CDK5RAP2: variants seen among roughly 807,000 people sequenced by gnomAD.
The protein encoded by CDK5RAP2 is CDK5 regulatory subunit-associated protein 2.
CDK5RAP2 carries 147 observed loss-of-function variants against 232.9 expected under a neutral mutation model. The ratio of observed to expected loss-of-function variants is 0.63; its 90% CI spans 0.55 to 0.72. The LOEUF (loss-of-function observed/expected upper bound fraction) is 0.72. CDK5RAP2 is among the 30% of genes least tolerant of loss of function. The probability of loss-of-function intolerance (pLI) is 0.00; values close to 1 mark genes in which losing one functional copy is unlikely to be tolerated. For missense variants in CDK5RAP2, 2,195 were observed against 2,231.5 expected, an observed-to-expected ratio of 0.98 and a Z score of 0.33; for synonymous variants, 833 against 833.7, an observed-to-expected ratio of 1.00 and a Z score of 0.01.
intron 18 of CDK5RAP2, among the ~76,000 whole-genome samples, chr9:120,462,440 TAA>T (rs772351673): frequency 1.5e-4 from 20 of 132,284 alleles, no homozygotes; most frequent in Non-Finnish European, 9.9e-5. Flanking sequence ...CTCATCAAAT[TAA>T]AAAAAAAAAA....
chr9:120,437,811 C>T (rs1292942878), intron 24 of CDK5RAP2, among the ~76,000 whole-genome samples: 1 of 152,186 alleles, frequency 6.6e-6, no homozygotes, highest in Admixed American at 6.5e-5. Flanking sequence ...AGTTTCCATA[C>T]ACTCTTCAAA....
At chr9:120,442,531 T>C (rs1181940323) in intron 23 of CDK5RAP2, among the ~76,000 whole-genome samples, 2 of 152,120 alleles carry the variant, frequency 1.3e-5, no homozygotes, top group Non-Finnish European at 2.9e-5. Context: ...GGAAGCACAT[T>C]CAGAAAAATG....
At position 120,525,078 on chromosome 9, in the gene CDK5RAP2, C is replaced by A; in HGVS notation, c.1000G>T (p.Val334Phe). 1.9e-6 allele frequency: 3 copies of A among 1,613,244 alleles called. No individual in the cohort carries two copies. Among genetic ancestry groups the A allele is most frequent in the Non-Finnish European group, 2.5e-6 (3 of 1,179,258 alleles). Residue 334 changes from valine to phenylalanine, a missense_variant and splice_region_variant, in exon 11 of 38, where the codon GTT (valine) becomes TTT (phenylalanine). Physicochemically the swap from Val to Phe is conservative, Grantham distance 50 (BLOSUM62 -1). Transcript: ENST00000349780. ...TMALKSKEKK[V>F]EELNSEIEKL... Reference sequence around the variant, plus strand: ...TCAATTTCAGAGTTAAGTTCTTCAACCTGGGGAAAAATAATGAATACCAGC... The same window carrying A: ...TCAATTTCAGAGTTAAGTTCTTCAAACTGGGGAAAAATAATGAATACCAGC...
chr9:120,464,166 G>C (rs1281903838), intron 18 of CDK5RAP2, among the ~76,000 whole-genome samples: 1 of 152,048 alleles, frequency 6.6e-6, no homozygotes, highest in Non-Finnish European at 1.5e-5. Flanking sequence ...GAAACCCCAC[G>C]CTGTTACTCT....
At chr9:120,497,421 T>TA (rs71385064) in intron 12 of CDK5RAP2, among the ~76,000 whole-genome samples, 425 of 23,188 alleles carry the variant, frequency 0.018, 6 homozygotes, top group East Asian at 0.063. Context: ...AAAATAAATT[T>TA]AAAAAAAAAA....
chr9:120,519,427 AAAAAAT>A (rs1453766668), intron 11 of CDK5RAP2, among the ~76,000 whole-genome samples: 2 of 152,202 alleles, frequency 1.3e-5, no homozygotes, highest in Non-Finnish European at 2.9e-5. Flanking sequence ...TTTGTCTTTA[AAAAAAT>A]AAAAATAAAA....
chr9:120,412,487 A>C (rs2033911310), intron 28 of CDK5RAP2, among the ~76,000 whole-genome samples: 1 of 152,220 alleles, frequency 6.6e-6, no homozygotes, highest in Non-Finnish European at 1.5e-5. Flanking sequence ...CACCAGGATG[A>C]AAAGAGGACA....
chr9:120,510,334 C>T (rs1326347728), intron 12 of CDK5RAP2, among the ~76,000 whole-genome samples: 2 of 152,212 alleles, frequency 1.3e-5, no homozygotes, highest in African/African-American at 4.8e-5. Context: ...GAAGCACACA[C>T]TTGTCAGGGT....
intron 3 of CDK5RAP2, among the ~76,000 whole-genome samples, 181 bp from the exon 4 acceptor site, chr9:120,551,083 G>A (rs2042025862): frequency 6.6e-6 from 1 of 152,156 alleles, no homozygotes; most frequent in Non-Finnish European, 1.5e-5. Context: ...GTTCCCACTA[G>A]CCAAAGTTAG....
chr9:120,472,653 T>C (rs2037780088), intron 15 of CDK5RAP2, among the ~76,000 whole-genome samples: 2 of 151,994 alleles, frequency 1.3e-5, no homozygotes, highest in Admixed American at 6.6e-5. Flanking sequence ...ATAGTATGAG[T>C]GGATTTTTAT....
At chr9:120,566,851 G>A (rs777904435) in intron 3 of CDK5RAP2, among the ~76,000 whole-genome samples, 11 of 152,210 alleles carry the variant, frequency 7.2e-5, no homozygotes, top group Admixed American at 3.3e-4. Flanking sequence ...ATATAATAAA[G>A]AGGGTTGTGT....
intron 27 of CDK5RAP2, among the ~76,000 whole-genome samples, chr9:120,419,373 T>C (rs1449822131): frequency 6.6e-6 from 1 of 152,176 alleles, no homozygotes; most frequent in Non-Finnish European, 1.5e-5. Context: ...TCACAAATGT[T>C]GTATTTATAT....
chr9:120,425,136 C>T (rs1323618024), intron 25 of CDK5RAP2, among the ~76,000 whole-genome samples: 1 of 152,220 alleles, frequency 6.6e-6, no homozygotes, highest in Non-Finnish European at 1.5e-5. Context: ...CCTAACCAAA[C>T]TCATGACCAC....
At chr9:120,430,099 C>A (rs1286610319) in intron 25 of CDK5RAP2, among the ~76,000 whole-genome samples, 1 of 152,106 alleles carries the variant, frequency 6.6e-6, no homozygotes, top group African/African-American at 2.4e-5. Context: ...ACACCTTATA[C>A]AAAAATTAAT....
chr9:120,512,482 T>C (rs1198332765), intron 12 of CDK5RAP2, among the ~76,000 whole-genome samples: 1 of 152,220 alleles, frequency 6.6e-6, no homozygotes, highest in Non-Finnish European at 1.5e-5. Context: ...CAAGTATTTC[T>C]GAAACACAAA....
intron 3 of CDK5RAP2, among the ~76,000 whole-genome samples, chr9:120,555,995 A>G (rs1417101435): frequency 6.6e-6 from 1 of 152,236 alleles, no homozygotes; most frequent in Admixed American, 6.5e-5. Flanking sequence ...AATTACAAGG[A>G]CAGAGAACAG....
At chr9:120,523,516 A>G (rs2040762968) in intron 11 of CDK5RAP2, among the ~76,000 whole-genome samples, 1 of 152,226 alleles carries the variant, frequency 6.6e-6, no homozygotes, top group Non-Finnish European at 1.5e-5. Context: ...GAGATTCCAA[A>G]AGCAAAGATT....
chr9:120,572,871 TA>T (rs753403155), intron 1 of CDK5RAP2, among the ~76,000 whole-genome samples: 1 of 152,222 alleles, frequency 6.6e-6, no homozygotes, highest in Non-Finnish European at 1.5e-5. Flanking sequence ...TTACAATTTA[TA>T]AAAGATTTAC....
At position 120,394,645 on chromosome 9, in the gene CDK5RAP2, A is replaced by G. The variant is rs1588215914; in HGVS notation, c.5452-7T>C. The G allele has an allele frequency of 6.2e-7, 1 of 1,602,694 alleles. No homozygotes were observed. Among genetic ancestry groups the G allele is most frequent in the Admixed American group, 1.7e-5 (1 of 60,006 alleles). On this transcript the variant is annotated splice_region_variant and splice_polypyrimidine_tract_variant and intron_variant, in intron 35 of 37. Coordinates refer to ENST00000349780, the MANE Select transcript of CDK5RAP2 (RefSeq NM_018249.6). ...CTGCCTTCATTTCTCCAATCTAAAG[A>G]GAAGAGAAATTAGAAAAATGAACAA...
Sources: gnomAD v4.1 joint callset for allele counts (sites outside exome capture counted in the v4.1 genomes callset) on GRCh38, gnomAD v4.1.1 for gene constraint, MANE v1.5 for transcripts, NCBI Gene and HGNC (gene_info 2026-07-23, HGNC 2026-07-21) for gene names.